Variants in PIAS2 observed in about 807,000 individuals in gnomAD.
The protein encoded by PIAS2 is protein inhibitor of activated STAT 2.
A neutral mutation model predicts 69.7 loss-of-function variants in PIAS2; 19 were observed. The observed-to-expected ratio is 0.27, with a 90% CI of 0.19 to 0.40. The LOEUF is 0.40. PIAS2 is among the 10% of genes least tolerant of loss of function. PIAS2 has a pLI of 1.00. For synonymous variants in PIAS2, 261 were observed against 263.2 expected (o/e 0.99, Z 0.08); for missense variants, 624 against 757.0 (o/e 0.82, Z 2.06).
At chr18:46,837,710 C>T (rs958630021) in intron 8 of PIAS2, among the ~76,000 whole-genome samples, 1 of 152,256 alleles carries the variant, frequency 6.6e-6, no homozygotes, top group East Asian at 1.9e-4. Flanking sequence ...GGCACCAAGA[C>T]GTACACAACA....
intron 12 of PIAS2, chr18:46,816,635 A>AT: frequency 3.9e-6 from 1 of 259,692 alleles, no homozygotes; most frequent in Non-Finnish European, 6.0e-6. Context: ...AATTATTATT[A>AT]TTATTTTTTT....
chr18:46,876,926 T>A (rs1375122468), intron 2 of PIAS2, among the ~76,000 whole-genome samples: 1 of 152,084 alleles, frequency 6.6e-6, no homozygotes, highest in African/African-American at 2.4e-5. Flanking sequence ...GGTCTCGATC[T>A]CCTGACCTCA....
chr18:46,812,819 TG>T (rs960615104), intron 13 of PIAS2, among the ~76,000 whole-genome samples: 3 of 152,188 alleles, frequency 2.0e-5, no homozygotes, highest in African/African-American at 7.2e-5. Context: ...CATATATTCT[TG>T]ATTCTCTCTA....
intron 2 of PIAS2, among the ~76,000 whole-genome samples, chr18:46,867,143 T>C (rs1016783341): frequency 2.0e-5 from 3 of 152,194 alleles, no homozygotes; most frequent in African/African-American, 7.2e-5. Context: ...GTCTGTGTCA[T>C]AACAGACATA....
intron 2 of PIAS2, among the ~76,000 whole-genome samples, chr18:46,872,166 C>T (rs936328905): frequency 4.6e-5 from 7 of 152,132 alleles, no homozygotes; most frequent in South Asian, 2.1e-4. Flanking sequence ...AGAAATTAGA[C>T]GGGTCATGCT....
chr18:46,824,402 C>T (rs1459233951), intron 11 of PIAS2, among the ~76,000 whole-genome samples: 1 of 152,010 alleles, frequency 6.6e-6, no homozygotes, highest in Non-Finnish European at 1.5e-5. Context: ...TTTAGAATAC[C>T]TTCTTATTAA....
In PIAS2 at chr18:46,894,683, AATT is replaced by A. The variant is rs142947294; in HGVS notation, c.25-3632_25-3630del. The stretch of plus-strand genomic sequence containing the variant: ...CTTTATCAAATGAAAATAAACACAA[AATT>A]ATTAAAAATTTTAAAGCTGGGATAT... On this transcript the variant is annotated intron_variant, in intron 1 of 13. Coordinates refer to ENST00000585916, the MANE Select transcript of PIAS2 (RefSeq NM_004671.5). 1.1e-3 allele frequency among the ~76,000 whole-genome samples: 172 copies of A among 152,288 alleles called. 1 individual carries two copies. Among genetic ancestry groups the A allele is most frequent in the African/African-American group, 4.0e-3 (166 of 41,554 alleles).
At chr18:46,864,960 T>C (rs2049206026) in intron 2 of PIAS2, among the ~76,000 whole-genome samples, 1 of 152,154 alleles carries the variant, frequency 6.6e-6, no homozygotes, top group African/African-American at 2.4e-5. Context: ...CTGTATTTAA[T>C]TACACAAAAC....
upstream of PIAS2, chr18:46,917,588 C>A: frequency 9.6e-7 from 1 of 1,045,524 alleles, no homozygotes; most frequent in Non-Finnish European, 1.2e-6. Context: ...CGACCGCCTT[C>A]CGCCCGCGCC....
intron 2 of PIAS2, among the ~76,000 whole-genome samples, chr18:46,880,089 TAAAAA>T (rs58230183): frequency 9.1e-6 from 1 of 110,396 alleles, no homozygotes; most frequent in Non-Finnish European, 1.9e-5. Flanking sequence ...TTTACCACAG[TAAAAA>T]AAAAAAAAAA....
intron 1 of PIAS2, chr18:46,917,119 G>A: frequency 2.0e-6 from 2 of 993,400 alleles, no homozygotes; most frequent in Non-Finnish European, 2.4e-6. Flanking sequence ...GCCCAGGCCC[G>A]CCGCCCCCGC....
At chr18:46,850,807 C>T (rs1314666758) in intron 5 of PIAS2, among the ~76,000 whole-genome samples, 1 of 152,066 alleles carries the variant, frequency 6.6e-6, no homozygotes, top group African/African-American at 2.4e-5. Flanking sequence ...ATTCTATTAC[C>T]CTTTTGATTG....
At chr18:46,904,358 GTAT>G (rs1444007054) in intron 1 of PIAS2, among the ~76,000 whole-genome samples, 3 of 152,044 alleles carry the variant, frequency 2.0e-5, no homozygotes, top group Non-Finnish European at 4.4e-5. Flanking sequence ...AAATTCAATG[GTAT>G]TATATTTGAA....
rs59957336 is a variant in PIAS2 at position 46,855,103 on chromosome 18, TAAAAAAAAAAAAAA to T, written c.726+228_726+241del. 7.1e-3 allele frequency among the ~76,000 whole-genome samples: 542 copies of T among 76,356 alleles called. 1 individual carries two copies. The highest frequency in any genetic ancestry group is 0.02 in the Middle Eastern group (2 of 98). 50.1% of individuals were successfully genotyped at this position (76,356 alleles called of 152,430 possible). A position where few individuals can be genotyped will look rare whatever the true frequency, so the allele number is the denominator to read the frequency against. On this transcript the variant is annotated intron_variant, in intron 5 of 13. Coordinates refer to ENST00000585916, the MANE Select transcript of PIAS2 (RefSeq NM_004671.5). ...GGAACACAGTAGGACCTTGTCTCTT[TAAAAAAAAAAAAAA>T]AAAAAAAAAAAAAATTCCAGGCTTA...
intron 1 of PIAS2, 125 bp downstream of exon 1, chr18:46,917,197 C>G (rs1195083731): frequency 7.9e-7 from 1 of 1,259,778 alleles, no homozygotes; most frequent in Non-Finnish European, 1.0e-6. Flanking sequence ...CGTCCGCGGG[C>G]CGGGGCTCAG....
At chr18:46,844,860 C>T (rs755754343) in intron 6 of PIAS2, 21 bp from the exon 7 acceptor site, 4 of 1,023,002 alleles carry the variant, frequency 3.9e-6, no homozygotes, top group African/African-American at 3.4e-5. Context: ...ACAAAAAAAA[C>T]CTGCATTAAA....
rs1446626090 is a variant in PIAS2, at chr18:46,806,197, A to T, written c.*6236T>A. ...CGCAGAGAGCTTTTGGGGTAAGTCT[A>T]GGTCAGACTCCCAAGTCCACTACTC... is the stretch of plus-strand genomic sequence containing the variant. On this transcript the variant is annotated 3_prime_UTR_variant, in exon 14 of 14. Coordinates refer to ENST00000585916, the MANE Select transcript of PIAS2 (RefSeq NM_004671.5). 6.6e-6 allele frequency: 1 copy of T among 152,086 alleles called. No homozygotes were observed. Among genetic ancestry groups the T allele is most frequent in the Non-Finnish European group, 1.5e-5 (1 of 68,022 alleles). 9.4% of individuals were successfully genotyped at this position (152,086 alleles called of 1,614,324 possible).
intron 12 of PIAS2, among the ~76,000 whole-genome samples, chr18:46,819,097 T>G (rs2144772441): frequency 6.6e-6 from 1 of 152,198 alleles, no homozygotes; most frequent in Middle Eastern, 3.4e-3. Context: ...TGCTAAATGG[T>G]AGGATCACTT....
chr18:46,828,101 C>T lies in PIAS2; in HGVS notation c.1366G>A (p.Val456Met), dbSNP rs1033734230. The change falls in exon 11 of 14, where the codon GTG (valine) becomes ATG (methionine). Residue 456 changes from valine (V) to methionine (M), a missense_variant. Coordinates refer to ENST00000585916, the MANE Select transcript of PIAS2 (RefSeq NM_004671.5). ...SSSVLSKPCS[V>M]TVASEASKKK... Reference sequence around the variant, plus strand: ...TTGCTTGCCTCACTGGCTACAGTCACTGAACAAGGCTTACTGAGGACGCTT... The same window carrying T: ...TTGCTTGCCTCACTGGCTACAGTCATTGAACAAGGCTTACTGAGGACGCTT... The T allele has an allele frequency of 6.2e-7, 1 of 1,612,246 alleles. No homozygotes were observed. Among genetic ancestry groups the T allele is most frequent in the African/African-American group, 1.3e-5 (1 of 74,782 alleles).
Sources: allele counts gnomAD v4.1 joint callset (sites outside exome capture counted in the v4.1 genomes callset), GRCh38; gene constraint gnomAD v4.1.1; transcripts MANE v1.5; gene names NCBI Gene and HGNC (gene_info 2026-07-23, HGNC 2026-07-21).